ZNF37A: variants seen among roughly 807,000 people sequenced by gnomAD.
ZNF37A encodes zinc finger protein 37A.
A neutral mutation model predicts 12.3 loss-of-function variants in ZNF37A; 10 were observed. That is an observed-to-expected ratio of 0.82 (90% CI 0.50 to 1.38). The LOEUF is 1.38. Ranked by LOEUF, ZNF37A falls within the 40% of genes most tolerant of loss-of-function variation. The pLI, the probability that ZNF37A is intolerant of heterozygous loss-of-function variation, is 0.00. For missense variants in ZNF37A, 580 were observed against 651.2 expected (o/e 0.89, Z 1.19); for synonymous variants, 207 against 223.0 (o/e 0.93, Z 0.64).
chr10:38,140,848 A>G (rs2070172420), intron 7 of ZNF37A: 1 of 152,238 alleles, frequency 6.6e-6, no homozygotes, highest in Admixed American at 6.5e-5. Context: ...AAACACAAGG[A>G]TGTGGCATGC....
intron 4 of ZNF37A, 37 bp from the exon 5 acceptor site, chr10:38,096,537 C>A: frequency 6.7e-7 from 1 of 1,486,876 alleles, no homozygotes; most frequent in Admixed American, 1.9e-5. Flanking sequence ...CCTTTTAAGG[C>A]AAGTGACATC....
In ZNF37A at chr10:38,124,460, G is replaced by A. The variant is rs968803156; in HGVS notation, c.*5623G>A. The stretch of plus-strand genomic sequence containing the variant: ...TGCATTTTAAAGGTATAATTGAATT[G>A]TAACACAAAGGATAAATGCTTGAGG... On this transcript the variant is annotated 3_prime_UTR_variant, in exon 8 of 8. Transcript: ENST00000685332. 1 of 152,108 alleles carries A rather than the reference G, an allele frequency of 6.6e-6. No homozygotes were observed. The highest frequency in any genetic ancestry group is 1.5e-5 in the Non-Finnish European group (1 of 68,024). The allele number at this position is 152,108 out of a possible 1,614,324, so 9.4% of individuals were successfully genotyped here. A position where few individuals can be genotyped will look rare whatever the true frequency, so the allele number is the denominator to read the frequency against.
intron 5 of ZNF37A, among the ~76,000 whole-genome samples, chr10:38,109,290 C>T (rs1379182076): frequency 6.6e-6 from 1 of 152,118 alleles, no homozygotes; most frequent in African/African-American, 2.4e-5. Context: ...TTCAACACCC[C>T]TTCATGCTTA....
downstream of ZNF37A, among the ~76,000 whole-genome samples, chr10:38,129,304 T>TAA (rs775705417): frequency 5.3e-4 from 30 of 56,902 alleles, 3 homozygotes; most frequent in Non-Finnish European, 7.0e-4. Context: ...AGACTCTGTC[T>TAA]AAAAAAAAAA....
intron 5 of ZNF37A, among the ~76,000 whole-genome samples, chr10:38,110,156 T>G (rs2068511856): frequency 6.6e-6 from 1 of 152,054 alleles, no homozygotes; most frequent in Non-Finnish European, 1.5e-5. Context: ...TATAGATCAA[T>G]GGAACAGAAC....
intron 5 of ZNF37A, among the ~76,000 whole-genome samples, chr10:38,101,053 G>C (rs1221527124): frequency 5.3e-5 from 8 of 152,130 alleles, no homozygotes; most frequent in Admixed American, 5.2e-4. Flanking sequence ...TGTTTGTTTT[G>C]AGTTGTAGGG....
chr10:38,109,244 T>A (rs1321706707), intron 5 of ZNF37A, among the ~76,000 whole-genome samples: 1 of 152,148 alleles, frequency 6.6e-6, no homozygotes, highest in Non-Finnish European at 1.5e-5. Context: ...AACTACATGA[T>A]TATCTCAGTA....
At chr10:38,102,796 C>A (rs2067704289) in intron 5 of ZNF37A, among the ~76,000 whole-genome samples, 1 of 152,038 alleles carries the variant, frequency 6.6e-6, no homozygotes, top group South Asian at 2.1e-4. Flanking sequence ...ATTTCCCCTT[C>A]CTTTTTGAAA....
chr10:38,114,687 C>T lies in ZNF37A; in HGVS notation c.16-68C>T, dbSNP rs2069094018. The T allele has an allele frequency of 4.4e-6, 7 of 1,602,384 alleles. No homozygotes were observed. The Admixed American group carries it at 1.0e-4, about 23-fold the overall frequency. ...ACAATAAAAATGGTAAGAATTAGTCCCTAAACATCTTTTTTCACGTCAACT... is the reference window on the plus strand; with the variant it reads ...ACAATAAAAATGGTAAGAATTAGTCTCTAAACATCTTTTTTCACGTCAACT... On this transcript the variant is annotated intron_variant, in intron 5 of 7. Coordinates refer to ENST00000685332, the MANE Select transcript of ZNF37A (RefSeq NM_001324250.3).
intron 5 of ZNF37A, among the ~76,000 whole-genome samples, chr10:38,103,281 GCTGA>G (rs2067745775): frequency 1.3e-5 from 2 of 151,920 alleles, no homozygotes; most frequent in Non-Finnish European, 2.9e-5. Flanking sequence ...CTTCAATTTT[GCTGA>G]TTCTTTGTTC....
chr10:38,148,825 T>C (rs2070288810), exon 8 of ZNF37A: 1 of 148,244 alleles, frequency 6.7e-6, no homozygotes, highest in African/African-American at 2.5e-5. Context: ...ATTTTTTTAA[T>C]GGTTTGCTTT....
intron 7 of ZNF37A, chr10:38,144,314 T>C (rs186145012): frequency 5.3e-5 from 8 of 152,300 alleles, no homozygotes; most frequent in Non-Finnish European, 4.4e-5. Flanking sequence ...TTCTAAGATA[T>C]AAAGTTTAAA....
intron 1 of ZNF37A, 126 bp from the exon 2 acceptor site, chr10:38,094,805 G>C (rs2067014438): frequency 6.6e-6 from 1 of 152,288 alleles, no homozygotes; most frequent in Admixed American, 6.5e-5. Flanking sequence ...CGTCGCCGCG[G>C]TGTCACTGCG....
intron 5 of ZNF37A, among the ~76,000 whole-genome samples, chr10:38,111,860 A>G (rs2504148): frequency 0.41 from 62,179 of 150,920 alleles, 12,975 homozygotes; most frequent in East Asian, 0.5. Context: ...TTCTTTCAGC[A>G]CTTTGAATAT....
downstream of ZNF37A, among the ~76,000 whole-genome samples, chr10:38,125,885 G>C (rs2069918256): frequency 6.6e-6 from 1 of 152,154 alleles, no homozygotes; most frequent in African/African-American, 2.4e-5. Context: ...GATCTACTTG[G>C]CTTCTGGTTG....
chr10:38,102,070 C>A (rs574712189), intron 5 of ZNF37A, among the ~76,000 whole-genome samples: 1 of 151,942 alleles, frequency 6.6e-6, no homozygotes, highest in African/African-American at 2.4e-5. Flanking sequence ...CTCCTGACCT[C>A]GTGATCTGCC....
At chr10:38,143,192 G>A (rs1284422498) in intron 7 of ZNF37A, 1 of 152,186 alleles carries the variant, frequency 6.6e-6, no homozygotes, top group Non-Finnish European at 1.5e-5. Flanking sequence ...GACCTAAGAG[G>A]TAAGGCACCA....
chr10:38,136,289 A>G, intron 7 of ZNF37A, among the ~76,000 whole-genome samples: 1 of 152,078 alleles, frequency 6.6e-6, no homozygotes, highest in African/African-American at 2.4e-5. Flanking sequence ...GATTATAGGC[A>G]CCTGCCACCA....
At chr10:38,136,526 T>C (rs904928812) in intron 7 of ZNF37A, among the ~76,000 whole-genome samples, 7 of 152,240 alleles carry the variant, frequency 4.6e-5, no homozygotes, top group Non-Finnish European at 7.3e-5. Context: ...TGGCTGATAA[T>C]ATCACTGATG....
Sources: allele counts gnomAD v4.1 joint callset (sites outside exome capture counted in the v4.1 genomes callset), GRCh38; gene constraint gnomAD v4.1.1; transcripts MANE v1.5; gene names NCBI Gene and HGNC (gene_info 2026-07-23, HGNC 2026-07-21).